Variants in ARMH3 observed in about 807,000 individuals in gnomAD.
The protein encoded by ARMH3 is armadillo like helical domain containing 3.
Under a neutral mutation model 99.1 loss-of-function variants are expected in ARMH3, and 60 were observed. That is an observed-to-expected ratio of 0.61 (90% CI 0.49 to 0.75). The LOEUF (loss-of-function observed/expected upper bound fraction) is 0.75, where lower values mean the gene tolerates loss of function less well. Among genes scored for constraint, ARMH3 ranks in the 30% least tolerant of loss-of-function variants. The pLI is 0.00. For synonymous variants in ARMH3, 285 were observed against 292.8 expected (o/e 0.97, Z 0.27); for missense variants, 679 against 843.1 (o/e 0.81, Z 2.41).
chr10:101,886,766 C>G (rs1388887176), intron 24 of ARMH3, among the ~76,000 whole-genome samples: 2 of 152,068 alleles, frequency 1.3e-5, no homozygotes, highest in African/African-American at 4.8e-5. Context: ...CAAGAATTCA[C>G]AAATCTCTTT....
intron 24 of ARMH3, among the ~76,000 whole-genome samples, chr10:101,866,510 G>T (rs1052727189): frequency 2.0e-5 from 3 of 151,472 alleles, no homozygotes; most frequent in African/African-American, 7.3e-5. Context: ...AAAAGAAAAG[G>T]AAAAGAAATT....
chr10:101,864,060 CAAAAAA>C lies in ARMH3; in HGVS notation c.1861-14174_1861-14169del, dbSNP rs71485765. On this transcript the variant is annotated intron_variant, in intron 24 of 25. Coordinates refer to ENST00000370033, the MANE Select transcript of ARMH3 (RefSeq NM_024541.3). ...TGGGCAACAGAGCAAGACTCCATCTCAAAAAAAAAAAAAAAAAAACACACACACACA... is the reference window on the plus strand; with the variant it reads ...TGGGCAACAGAGCAAGACTCCATCTCAAAAAAAAAAAAACACACACACACA... 6.6e-3 allele frequency among the ~76,000 whole-genome samples: 695 copies of C among 105,640 alleles called. 1 individual carries two copies. The highest frequency in any genetic ancestry group is 0.015 in the African/African-American group (376 of 24,742). The allele number at this position is 105,640 out of a possible 152,430, so 69.3% of individuals were successfully genotyped here. A position where few individuals can be genotyped will look rare whatever the true frequency, so the allele number is the denominator to read the frequency against.
chr10:102,040,727 T>C (rs1486528928), intron 1 of ARMH3, among the ~76,000 whole-genome samples: 1 of 152,104 alleles, frequency 6.6e-6, no homozygotes, highest in Non-Finnish European at 1.5e-5. Context: ...CCATCTGTAA[T>C]AGGTCTGGCC....
In ARMH3 at chr10:101,966,467, G is replaced by A. The variant is rs181295120; in HGVS notation, c.1496-8735C>T. 4.0e-3 allele frequency among the ~76,000 whole-genome samples: 602 copies of A among 151,834 alleles called. 23 individuals carry two copies. Among genetic ancestry groups the A allele is most frequent in the Admixed American group, 0.038 (583 of 15,226 alleles). On this transcript the variant is annotated intron_variant, in intron 20 of 25. Coordinates refer to ENST00000370033, the MANE Select transcript of ARMH3 (RefSeq NM_024541.3). The stretch of plus-strand genomic sequence containing the variant: ...AATTTTTGTATTTTTAGTAGAGACA[G>A]GGCTCCACCAGGCTGGTCTCGAACT...
rs552567779 is a variant in ARMH3 at position 101,986,239 on chromosome 10, G to A, written c.1406+4312C>T. Among the ~76,000 whole-genome samples, 250 of 152,194 alleles carry A rather than the reference G, an allele frequency of 1.6e-3. 2 individuals carry two copies. Among genetic ancestry groups the A allele is most frequent in the African/African-American group, 5.8e-3 (242 of 41,522 alleles). On this transcript the variant is annotated intron_variant, in intron 19 of 25. Transcript: ENST00000370033. ...ACCTTTCTTCTGATGCCTACCTACAGGTTTGGAAATATGTGACTTAAGAAG... is the reference window on the plus strand; with the variant it reads ...ACCTTTCTTCTGATGCCTACCTACAAGTTTGGAAATATGTGACTTAAGAAG...
At chr10:101,902,875 A>T (rs2068014815) in intron 23 of ARMH3, among the ~76,000 whole-genome samples, 2 of 152,136 alleles carry the variant, frequency 1.3e-5, no homozygotes, top group South Asian at 4.1e-4. Flanking sequence ...ATAATAGTGC[A>T]ACAAGATGAA....
rs11817154 is a variant in ARMH3, at chr10:101,846,979, G to A, written c.*549C>T. On this transcript the variant is annotated 3_prime_UTR_variant, in exon 26 of 26. Coordinates refer to ENST00000370033, the MANE Select transcript of ARMH3 (RefSeq NM_024541.3). ...CCGTCTCAGAAAAAAAAGGAAAAAG[G>A]TACCCTATTCCTATCTTACCCTAAA... 0.072 allele frequency: 10,995 copies of A among 152,464 alleles called. 1,290 individuals carry two copies. Among genetic ancestry groups the A allele is most frequent in the African/African-American group, 0.25 (10,412 of 41,490 alleles). The allele number at this position is 152,464 out of a possible 1,614,324, so 9.4% of individuals were successfully genotyped here.
intron 23 of ARMH3, among the ~76,000 whole-genome samples, chr10:101,935,486 T>A (rs1002751477): frequency 1.4e-4 from 21 of 152,260 alleles, no homozygotes; most frequent in African/African-American, 5.1e-4. Flanking sequence ...ACTGTCACAA[T>A]CTAAACTAAG....
intron 20 of ARMH3, among the ~76,000 whole-genome samples, chr10:101,964,118 C>T (rs984142406): frequency 2.6e-5 from 4 of 152,116 alleles, no homozygotes; most frequent in Admixed American, 6.6e-5. Context: ...CCTCGTGATC[C>T]GCCCACTTCG....
Position 101,989,189 on chromosome 10 carries a change from T to C in ARMH3, c.1406+1362A>G, listed in dbSNP as rs558042641. 1.7e-4 allele frequency among the ~76,000 whole-genome samples: 26 copies of C among 152,246 alleles called. 1 individual carries two copies. Among genetic ancestry groups the C allele is most frequent in the Admixed American group, 3.3e-4 (5 of 15,280 alleles). On this transcript the variant is annotated intron_variant, in intron 19 of 25. Transcript: ENST00000370033. ...TTCTTGGGTGTTAAAGAGAAGAATG[T>C]AGGAGGAGTGGCAAAGGAGAAACAA...
chr10:101,947,429 G>A (rs973102158), intron 22 of ARMH3, among the ~76,000 whole-genome samples: 4 of 151,968 alleles, frequency 2.6e-5, no homozygotes, highest in Non-Finnish European at 4.4e-5. Flanking sequence ...GAGCCCAGGA[G>A]TTTAAGGCTG....
rs1185119483 is a variant in ARMH3 at position 101,973,335 on chromosome 10, G to A, written c.1495+1877C>T. Among the ~76,000 whole-genome samples, 5 of 148,548 alleles carry A rather than the reference G, an allele frequency of 3.4e-5. No individual in the cohort carries two copies. In the Admixed American group the frequency reaches 3.4e-4, roughly 10 times the overall value. On this transcript the variant is annotated intron_variant, in intron 20 of 25. Coordinates refer to ENST00000370033, the MANE Select transcript of ARMH3 (RefSeq NM_024541.3). ...CGAGATCATGCCACTGCTCCAGGCTGGGCGACAGAGCGAGACTCCGTCTCA... is the reference window on the plus strand; with the variant it reads ...CGAGATCATGCCACTGCTCCAGGCTAGGCGACAGAGCGAGACTCCGTCTCA...
intron 24 of ARMH3, among the ~76,000 whole-genome samples, chr10:101,852,075 T>A (rs906251967): frequency 6.6e-6 from 1 of 152,042 alleles, no homozygotes; most frequent in East Asian, 1.9e-4. Context: ...CAGAATAGAG[T>A]AATACATGTT....
At chr10:102,027,324 G>T (rs2067023228) in intron 5 of ARMH3, among the ~76,000 whole-genome samples, 1 of 150,972 alleles carries the variant, frequency 6.6e-6, no homozygotes, top group Non-Finnish European at 1.5e-5. Flanking sequence ...CACTGTAATA[G>T]TTCTGGTGAG....
At chr10:102,029,355 T>A in intron 5 of ARMH3, 3 of 1,159,814 alleles carry the variant, frequency 2.6e-6, no homozygotes, top group Non-Finnish European at 3.5e-6. Flanking sequence ...TTTAAATTCA[T>A]AAATGTTCTT....
intron 23 of ARMH3, among the ~76,000 whole-genome samples, chr10:101,927,931 G>A (rs1178347046): frequency 5.3e-5 from 8 of 152,076 alleles, no homozygotes; most frequent in South Asian, 4.2e-4. Flanking sequence ...AAAACTAGCC[G>A]GGTGTGGTGG....
intron 19 of ARMH3, among the ~76,000 whole-genome samples, chr10:101,983,858 T>C (rs1467398059): frequency 6.6e-6 from 1 of 152,190 alleles, no homozygotes; most frequent in Non-Finnish European, 1.5e-5. Flanking sequence ...CTCTAGCAAA[T>C]TAATCAAACC....
intron 11 of ARMH3, 132 bp from the exon 12 acceptor site, chr10:102,010,155 A>G: frequency 1.4e-6 from 1 of 697,918 alleles, no homozygotes; most frequent in Non-Finnish European, 2.4e-6. Flanking sequence ...CTAGGCCATA[A>G]GTCACACACA....
chr10:102,044,374 CTTT>C (rs751800293), intron 1 of ARMH3, among the ~76,000 whole-genome samples: 1 of 138,152 alleles, frequency 7.2e-6, no homozygotes, highest in Non-Finnish European at 1.6e-5. Flanking sequence ...CATGCCCGGC[CTTT>C]TTTTTTTTTT....
Sources: gnomAD v4.1 joint callset for allele counts (sites outside exome capture counted in the v4.1 genomes callset) on GRCh38, gnomAD v4.1.1 for gene constraint, MANE v1.5 for transcripts, NCBI Gene and HGNC (gene_info 2026-07-23, HGNC 2026-07-21) for gene names.